The following RXRA variants were observed in gnomAD, a reference collection of about 807,000 sequenced individuals.
The protein encoded by RXRA is retinoid X receptor alpha.
In RXRA, 5 loss-of-function variants were observed where a neutral mutation model predicts 44.5. That is an observed-to-expected ratio of 0.11 (90% CI 0.06 to 0.24). The LOEUF (loss-of-function observed/expected upper bound fraction) is 0.24, where lower values mean the gene tolerates loss of function less well. Among genes scored for constraint, RXRA ranks in the 10% least tolerant of loss-of-function variants. RXRA has a pLI of 1.00. For missense variants in RXRA, 412 were observed against 646.5 expected, an observed-to-expected ratio of 0.64 and a Z score of 3.93; for synonymous variants, 291 against 271.4, an observed-to-expected ratio of 1.07 and a Z score of -0.71.
chr9:134,377,802 C>T (rs1156789277), intron 1 of RXRA, among the ~76,000 whole-genome samples: 3 of 152,242 alleles, frequency 2.0e-5, no homozygotes, highest in Admixed American at 6.5e-5. Flanking sequence ...AGACCAGCTT[C>T]TGTCCCCAGG....
chr9:134,396,323 T>C (rs901877488), intron 1 of RXRA, among the ~76,000 whole-genome samples: 1 of 152,032 alleles, frequency 6.6e-6, no homozygotes, highest in Non-Finnish European at 1.5e-5. Context: ...CTAACCACCT[T>C]CAGCTTCCCC....
intron 1 of RXRA, among the ~76,000 whole-genome samples, chr9:134,333,889 C>T (rs1554746990): frequency 6.6e-6 from 1 of 152,224 alleles, no homozygotes; most frequent in African/African-American, 2.4e-5. Context: ...CTCCCGCTGC[C>T]TGCTCTTCCC....
Position 134,409,139 on chromosome 9 carries a change from GGGGGCGCGGGCAGGTGTTGGACAAACAGT to G in RXRA, c.610+26_610+54del. On this transcript the variant is annotated intron_variant, in intron 4 of 9. Transcript: ENST00000481739. ...GGGAAGGTAGGCCACGGCGTCGGGT[GGGGGCGCGGGCAGGTGTTGGACAAACAGT>G]GGGGCCCGGGCTTGTGCGTGGACAC... is the stretch of plus-strand genomic sequence containing the variant. The G allele has an allele frequency of 1.3e-6, 2 of 1,527,668 alleles. No individual in the cohort carries two copies. Among genetic ancestry groups the G allele is most frequent in the Non-Finnish European group, 1.8e-6 (2 of 1,134,838 alleles). The allele number at this position is 1,527,668 out of a possible 1,614,324, so 94.6% of individuals were successfully genotyped here.
At chr9:134,389,493 A>G (rs549181512) in intron 1 of RXRA, among the ~76,000 whole-genome samples, 3 of 151,864 alleles carry the variant, frequency 2.0e-5, no homozygotes, top group Admixed American at 2.0e-4. Context: ...GGCTAGCCCC[A>G]GAGGGCTAGC....
chr9:134,401,505 C>T lies in RXRA; in HGVS notation c.29-127C>T, dbSNP rs1479099214. On this transcript the variant is annotated intron_variant, in intron 1 of 9. Transcript: ENST00000481739. ...TGCGTCAGAGAGCTGTCGAGACCCACGGGGCCACCTTGAGGGTGCCGGGGT... is the reference window on the plus strand; with the variant it reads ...TGCGTCAGAGAGCTGTCGAGACCCATGGGGCCACCTTGAGGGTGCCGGGGT... 41 of 1,480,076 alleles carry T rather than the reference C, an allele frequency of 2.8e-5. 2 individuals are homozygous for T. The highest frequency in any genetic ancestry group is 1.7e-4 in the South Asian group (14 of 84,282). The allele number at this position is 1,480,076 out of a possible 1,614,324, so 91.7% of individuals were successfully genotyped here.
chr9:134,345,786 A>G (rs980615763), intron 1 of RXRA, among the ~76,000 whole-genome samples: 2 of 152,222 alleles, frequency 1.3e-5, no homozygotes, highest in Non-Finnish European at 1.5e-5. Context: ...GGGGAAGGTG[A>G]AAATAATCAA....
intron 6 of RXRA, chr9:134,422,297 G>A: frequency 7.8e-7 from 1 of 1,274,306 alleles, no homozygotes; most frequent in Non-Finnish European, 1.0e-6. Flanking sequence ...TACTTCCTGG[G>A]ACGCTCCCCT....
chr9:134,340,018 C>A (rs1364715164), intron 1 of RXRA, among the ~76,000 whole-genome samples: 1 of 152,084 alleles, frequency 6.6e-6, no homozygotes, highest in Admixed American at 6.5e-5. Context: ...CATGTCTGAG[C>A]CTGTATCTGT....
At position 134,415,392 on chromosome 9, in the gene RXRA, C is replaced by T. The variant is rs574872996; in HGVS notation, c.611-1766C>T. Among the ~76,000 whole-genome samples the T allele has an allele frequency of 2.2e-4, 27 of 123,144 alleles. No homozygotes were observed. In the South Asian group the frequency reaches 4.8e-3, roughly 22 times the overall value. The allele number at this position is 123,144 out of a possible 152,430, so 80.8% of individuals were successfully genotyped here. A position where few individuals can be genotyped will look rare whatever the true frequency, so the allele number is the denominator to read the frequency against. On this transcript the variant is annotated intron_variant, in intron 4 of 9. Transcript: ENST00000481739. ...GAGAAAGTGGCGGCTGACACCGTGG[C>T]GGGTAGGGGCAGGGAGGGTGCCACA...
intron 1 of RXRA, among the ~76,000 whole-genome samples, chr9:134,363,199 C>T (rs746341072): frequency 5.9e-5 from 9 of 152,116 alleles, no homozygotes; most frequent in Admixed American, 1.3e-4. Flanking sequence ...TTTTGGGAGT[C>T]GTCATTAGTG....
chr9:134,414,464 C>T (rs35680124), intron 4 of RXRA, among the ~76,000 whole-genome samples: 2,246 of 152,334 alleles, frequency 0.015, 51 homozygotes, highest in African/African-American at 0.05. Flanking sequence ...TGGGGGTGGG[C>T]GCTGTCATTT....
chr9:134,346,256 C>T (rs4917355), intron 1 of RXRA, among the ~76,000 whole-genome samples: 17,007 of 152,158 alleles, frequency 0.11, 1,074 homozygotes, highest in African/African-American at 0.17. Flanking sequence ...CCTTGCCCTG[C>T]CCTCCCTGCC....
rs1030971551 is a variant in RXRA at position 134,357,971 on chromosome 9, CCTGGGGT to C, written c.28+31313_28+31319del. ...GAGGAGGGCAGCATCCCGCCTGGGGCCTGGGGTGCCCCCACAGAACACGGGGACATGG... is the reference window on the plus strand; with the variant it reads ...GAGGAGGGCAGCATCCCGCCTGGGGCGCCCCCACAGAACACGGGGACATGG... On this transcript the variant is annotated intron_variant, in intron 1 of 9. Coordinates refer to ENST00000481739, the MANE Select transcript of RXRA (RefSeq NM_002957.6). 8.5e-5 allele frequency among the ~76,000 whole-genome samples: 13 copies of C among 152,278 alleles called. No homozygotes were observed. The East Asian group carries it at 1.7e-3, about 20-fold the overall frequency.
At chr9:134,350,926 GGT>G (rs1830214273) in intron 1 of RXRA, among the ~76,000 whole-genome samples, 1 of 152,208 alleles carries the variant, frequency 6.6e-6, no homozygotes, top group African/African-American at 2.4e-5. Flanking sequence ...GCTGTGTGAT[GGT>G]GTGGAGGCCA....
chr9:134,334,171 C>T (rs1330779286), intron 1 of RXRA, among the ~76,000 whole-genome samples: 2 of 152,374 alleles, frequency 1.3e-5, no homozygotes, highest in East Asian at 1.9e-4. Flanking sequence ...TGGGAGCTCT[C>T]CACGTGCCAG....
intron 6 of RXRA, chr9:134,422,859 G>A: frequency 1.0e-6 from 1 of 985,468 alleles, no homozygotes. Context: ...GAGGCTGGCT[G>A]TGTTCCAGGG....
chr9:134,337,393 C>T (rs976399567), intron 1 of RXRA, among the ~76,000 whole-genome samples: 1 of 152,212 alleles, frequency 6.6e-6, no homozygotes, highest in African/African-American at 2.4e-5. Context: ...CAGGCTTAGC[C>T]CTCAAGCGGG....
intron 1 of RXRA, among the ~76,000 whole-genome samples, chr9:134,344,848 G>C (rs904667667): frequency 3.3e-5 from 5 of 152,212 alleles, no homozygotes; most frequent in African/African-American, 1.2e-4. Flanking sequence ...TGGGCACTGG[G>C]CTTCCTGTCC....
intron 1 of RXRA, among the ~76,000 whole-genome samples, chr9:134,388,317 A>G (rs1830751786): frequency 2.7e-5 from 1 of 36,822 alleles, no homozygotes; most frequent in Admixed American, 2.2e-4. Context: ...ATTTGCGTGC[A>G]CAGGCACACG....
Sources: allele counts gnomAD v4.1 joint callset (sites outside exome capture counted in the v4.1 genomes callset), GRCh38; gene constraint gnomAD v4.1.1; transcripts MANE v1.5; gene names NCBI Gene and HGNC (gene_info 2026-07-23, HGNC 2026-07-21).